CRISPLD2: variants seen among roughly 807,000 people sequenced by gnomAD.
CRISPLD2 encodes cysteine-rich secretory protein LCCL domain-containing 2.
In CRISPLD2, 47 loss-of-function variants were observed where a neutral mutation model predicts 71.1. That is an observed-to-expected ratio of 0.66 (90% confidence interval 0.52 to 0.84). The LOEUF is 0.84. Among genes scored for constraint, CRISPLD2 ranks in the 40% least tolerant of loss-of-function variants. CRISPLD2 has a pLI of 0.00. For synonymous variants in CRISPLD2, 317 were observed against 250.1 expected (o/e 1.27, Z -2.52); for missense variants, 830 against 651.1 (o/e 1.27, Z -2.99).
intron 6 of CRISPLD2, among the ~76,000 whole-genome samples, chr16:84,865,087 A>G (rs971751075): frequency 6.6e-6 from 1 of 152,166 alleles, no homozygotes; most frequent in African/African-American, 2.4e-5. Flanking sequence ...TCCTTTAGCA[A>G]AGAAAGCTCA....
At chr16:84,870,903 C>T (rs1249689343) in intron 8 of CRISPLD2, among the ~76,000 whole-genome samples, 1 of 151,500 alleles carries the variant, frequency 6.6e-6, no homozygotes, top group Non-Finnish European at 1.5e-5. Context: ...ACTAGAAATA[C>T]AAAAATTAGC....
intron 11 of CRISPLD2, among the ~76,000 whole-genome samples, chr16:84,874,430 G>A (rs561240295): frequency 6.6e-6 from 1 of 152,332 alleles, no homozygotes; most frequent in South Asian, 2.1e-4. Context: ...CTCTGGCCCA[G>A]CTTTTTACAT....
intron 14 of CRISPLD2, among the ~76,000 whole-genome samples, chr16:84,897,924 G>A (rs60844709): frequency 0.18 from 28,087 of 152,184 alleles, 2,676 homozygotes; most frequent in Middle Eastern, 0.24. Flanking sequence ...GCTTAAACAC[G>A]CTTTTTAAAA....
chr16:84,867,076 C>G (rs758076289), intron 7 of CRISPLD2, 36 bp downstream of exon 7: 1 of 1,602,070 alleles, frequency 6.2e-7, no homozygotes, highest in South Asian at 1.1e-5. Context: ...TCCTGCCCTC[C>G]CAGCCACCTC....
intron 1 of CRISPLD2, among the ~76,000 whole-genome samples, chr16:84,823,145 A>G (rs1306304767): frequency 6.6e-6 from 1 of 152,180 alleles, no homozygotes; most frequent in African/African-American, 2.4e-5. Context: ...CTCACTCAGC[A>G]TCATGTTTTC....
chr16:84,895,367 C>A (rs2071697326), intron 14 of CRISPLD2, among the ~76,000 whole-genome samples: 1 of 152,140 alleles, frequency 6.6e-6, no homozygotes, highest in Non-Finnish European at 1.5e-5. Context: ...GCCAGGGAGA[C>A]CCTTGAATGC....
intron 14 of CRISPLD2, among the ~76,000 whole-genome samples, chr16:84,901,492 C>T (rs1160877068): frequency 3.1e-4 from 41 of 133,814 alleles, no homozygotes; most frequent in Non-Finnish European, 3.0e-4. Flanking sequence ...TTTTTTTTGA[C>T]GCAGAGTCTC....
chr16:84,885,569 C>G (rs2071605214), intron 13 of CRISPLD2, among the ~76,000 whole-genome samples: 1 of 152,176 alleles, frequency 6.6e-6, no homozygotes, highest in South Asian at 2.1e-4. Flanking sequence ...ACCCGGGACC[C>G]CGCTTTGGGC....
chr16:84,891,609 G>A (rs964173860), intron 14 of CRISPLD2, among the ~76,000 whole-genome samples: 1 of 151,466 alleles, frequency 6.6e-6, no homozygotes, highest in Non-Finnish European at 1.5e-5. Flanking sequence ...AATTTATTGA[G>A]CTCTTTGTAC....
At chr16:84,865,008 G>A (rs888744654) in intron 6 of CRISPLD2, among the ~76,000 whole-genome samples, 4 of 152,198 alleles carry the variant, frequency 2.6e-5, no homozygotes, top group Middle Eastern at 3.2e-3. Context: ...CCAGGAAGGC[G>A]TCAGGGAGTC....
At chr16:84,889,200 C>G (rs568233941) in intron 13 of CRISPLD2, 30 bp from the exon 14 acceptor site, 3 of 1,613,718 alleles carry the variant, frequency 1.9e-6, no homozygotes, top group Non-Finnish European at 2.5e-6. Flanking sequence ...GAATCCGCAT[C>G]GCTGATCACA....
chr16:84,904,606 TTAAAAAAAAAATTA>T (rs1567708942), intron 14 of CRISPLD2, among the ~76,000 whole-genome samples: 1 of 142,156 alleles, frequency 7.0e-6, no homozygotes, highest in African/African-American at 2.8e-5. Context: ...AAAAAAAAAT[TTAAAAAAAAAATTA>T]AAAAAAAAAA....
chr16:84,889,158 A>G, intron 13 of CRISPLD2, 72 bp from the exon 14 acceptor site: 1 of 1,604,444 alleles, frequency 6.2e-7, no homozygotes, highest in Non-Finnish European at 8.5e-7. Context: ...GCAGTGAATG[A>G]TGGAGCCCCA....
intron 3 of CRISPLD2, among the ~76,000 whole-genome samples, chr16:84,847,155 T>C (rs1453134437): frequency 6.6e-6 from 1 of 152,194 alleles, no homozygotes; most frequent in Non-Finnish European, 1.5e-5. Context: ...CCTCTTAAAA[T>C]GTAGGTGAGC....
chr16:84,821,838 G>T (rs9936237), intron 1 of CRISPLD2, among the ~76,000 whole-genome samples: 25,612 of 152,202 alleles, frequency 0.17, 2,285 homozygotes, highest in Middle Eastern at 0.23. Flanking sequence ...ACATGCCCAG[G>T]GTTTCCACGG....
intron 1 of CRISPLD2, among the ~76,000 whole-genome samples, chr16:84,830,123 G>A (rs1282806801): frequency 6.6e-6 from 1 of 152,174 alleles, no homozygotes; most frequent in Non-Finnish European, 1.5e-5. Flanking sequence ...GGGAGTTCGA[G>A]GGTGGCCTGG....
At chr16:84,885,462 C>G (rs181534836) in intron 13 of CRISPLD2, among the ~76,000 whole-genome samples, 1 of 152,190 alleles carries the variant, frequency 6.6e-6, no homozygotes, top group Non-Finnish European at 1.5e-5. Context: ...CGGCCATCCC[C>G]GGTTTGCCTA....
At position 84,867,021 on chromosome 16, in the gene CRISPLD2, C is replaced by T; in HGVS notation, c.834C>T (p.Thr278=). ...TGAGACCCACCAAGCCCAAGAAAAC[C>T]TCTGCGGTCAACTACATGAGTGAGT... The part of the protein sequence containing the change: ...RVMRPTKPKK[T]SAVNYMTQVV... The change falls in exon 7 of 15, where the codon ACC becomes ACT. Residue 278 remains threonine, a synonymous_variant. Transcript: ENST00000262424. 3 of 1,614,068 alleles carry T rather than the reference C, an allele frequency of 1.9e-6. No individual in the cohort carries two copies. Among genetic ancestry groups the T allele is most frequent in the African/African-American group, 1.3e-5 (1 of 74,996 alleles).
At chr16:84,831,501 C>G (rs1035379528) in intron 1 of CRISPLD2, among the ~76,000 whole-genome samples, 2 of 152,120 alleles carry the variant, frequency 1.3e-5, no homozygotes, top group Non-Finnish European at 2.9e-5. Context: ...TCAAGCGATC[C>G]TCCCGTCTCA....
Sources: allele counts gnomAD v4.1 joint callset (sites outside exome capture counted in the v4.1 genomes callset), GRCh38; gene constraint gnomAD v4.1.1; transcripts MANE v1.5; gene names NCBI Gene and HGNC (gene_info 2026-07-23, HGNC 2026-07-21).